Variants in OXNAD1 observed in about 807,000 individuals in gnomAD.
OXNAD1 encodes the protein oxidoreductase NAD binding domain containing 1.
Under a neutral mutation model 32.9 loss-of-function variants are expected in OXNAD1, and 34 were observed. That is an observed-to-expected ratio of 1.03 (90% CI 0.79 to 1.38). The LOEUF is 1.38. Among genes scored for constraint, OXNAD1 ranks in the 40% most tolerant of loss-of-function variants. The pLI, the probability that OXNAD1 is intolerant of heterozygous loss-of-function variation, is 0.00. For synonymous variants in OXNAD1, 134 were observed against 135.2 expected, an observed-to-expected ratio of 0.99 and a Z score of 0.06; for missense variants, 407 against 379.4, an observed-to-expected ratio of 1.07 and a Z score of -0.60.
chr3:16,270,978 C>T lies in OXNAD1; in HGVS notation c.26C>T (p.Pro9Leu). 2 of 1,614,156 alleles carry T rather than the reference C, an allele frequency of 1.2e-6. No individual in the cohort carries two copies. The highest frequency in any genetic ancestry group is 1.7e-6 in the Non-Finnish European group (2 of 1,180,028). The change falls in exon 3 of 9, where the codon CCT becomes CTT. Residue 9 changes from proline (P) to leucine (L), a missense_variant. Transcript: ENST00000285083. ...ATGGCCTGTGCTGCTGTTATGATTC[C>T]TGGGTTGTTGCGGTGCTCTGTTGGA... Reference protein sequence around the residue: MACAAVMIPGLLRCSVGAI... With the variant: MACAAVMILGLLRCSVGAI...
chr3:16,269,182 A>G lies in OXNAD1; in HGVS notation c.-102A>G. 1.3e-6 allele frequency: 2 copies of G among 1,524,382 alleles called. No individual in the cohort carries two copies. Among genetic ancestry groups the G allele is most frequent in the Non-Finnish European group, 1.7e-6 (2 of 1,143,354 alleles). 94.4% of individuals were successfully genotyped at this position (1,524,382 alleles called of 1,614,324 possible). On this transcript the variant is annotated 5_prime_UTR_variant, in exon 2 of 9. Coordinates refer to ENST00000285083, the MANE Select transcript of OXNAD1 (RefSeq NM_138381.5). ...GCTGTCCATGTTCCAACTGCTGTAC[A>G]TCCAAAAGTCTCAGTGTAATAGCAG...
chr3:16,308,350 C>T (rs1223837303), downstream of OXNAD1, among the ~76,000 whole-genome samples: 3 of 152,068 alleles, frequency 2.0e-5, no homozygotes, highest in East Asian at 1.9e-4. This position sits in a 1 kb window ranked among gnomAD's most constrained non-coding sequence, Gnocchi z 4.4. Flanking sequence ...AGGCTGCACC[C>T]ATGCTCTGGA....
In OXNAD1 at chr3:16,314,913, TATTAA is replaced by T. The variant is rs1203785019; in HGVS notation, c.*30+11324_*30+11328del. On this transcript the variant is annotated intron_variant, in intron 9 of 9. Transcript: ENST00000435829. This position sits in a 1 kb window ranked among gnomAD's most constrained non-coding sequence, Gnocchi z 4.4. ...GATATGTGCCAAGAGATAATGTTTT[TATTAA>T]ATCAAAATGCTGTATAGACATTGAC... 1.3e-5 allele frequency: 2 copies of T among 152,214 alleles called. No homozygotes were observed. The highest frequency in any genetic ancestry group is 2.9e-5 in the Non-Finnish European group (2 of 68,040). 9.4% of individuals were successfully genotyped at this position (152,214 alleles called of 1,614,324 possible).
Position 16,302,790 on chromosome 3 carries a change from T to G in OXNAD1, c.784+42T>G. 13 of 1,426,614 alleles carry G rather than the reference T, an allele frequency of 9.1e-6. No homozygotes were observed. The highest frequency in any genetic ancestry group is 1.3e-5 in the Non-Finnish European group (13 of 1,017,348). 88.4% of individuals were successfully genotyped at this position (1,426,614 alleles called of 1,614,324 possible). On this transcript the variant is annotated intron_variant, in intron 8 of 8. Transcript: ENST00000285083. This position sits in a 1 kb window ranked among gnomAD's most constrained non-coding sequence, Gnocchi z 4.2. ...TATTTTGACTATCTCCATGCAGTTA[T>G]TTGATGGACACACCAGTTGGTTGAG...
rs1411635461 is a variant in OXNAD1, at chr3:16,329,366, C to T, written c.*31-7746C>T. Among the ~76,000 whole-genome samples, 4 of 151,722 alleles carry T rather than the reference C, an allele frequency of 2.6e-5. No homozygotes were observed. The South Asian group carries it at 8.4e-4, about 32-fold the overall frequency. ...GAGAAAGGGAAAGGGAAAGAGGAAA[C>T]TTAATAAAGGAAGGCGGAAGGGAGG... On this transcript the variant is annotated intron_variant, in intron 9 of 9. Transcript: ENST00000435829. This position sits in a 1 kb window ranked among gnomAD's most constrained non-coding sequence, Gnocchi z 4.5.
Position 16,265,885 on chromosome 3 carries a change from A to G in OXNAD1, c.-159+380A>G. Reference sequence around the variant, plus strand: ...GTGAGTACCAGTTTTTTCGTTGTGAAAGAAATGGTGTCAGTAGGCAGGTTT... The same window carrying G: ...GTGAGTACCAGTTTTTTCGTTGTGAGAGAAATGGTGTCAGTAGGCAGGTTT... On this transcript the variant is annotated intron_variant, in intron 1 of 8. Transcript: ENST00000285083. The surrounding 1 kb of genome is among the most constrained non-coding windows in gnomAD (Gnocchi z 4.8). The G allele has an allele frequency of 1.0e-6, 1 of 985,402 alleles. No individual in the cohort carries two copies. Among genetic ancestry groups the G allele is most frequent in the African/African-American group, 1.7e-5 (1 of 57,370 alleles). The allele number at this position is 985,402 out of a possible 1,614,324, so 61.0% of individuals were successfully genotyped here.
rs372585207 is a variant in OXNAD1 at position 16,330,754 on chromosome 3, A to G, written c.*31-6358A>G. ...TAATTTCTCCAGTGATTGCAAATCA[A>G]CTAAAGAAATAGACATCCTACACAA... On this transcript the variant is annotated intron_variant, in intron 9 of 9. Transcript: ENST00000435829. Among the ~76,000 whole-genome samples the G allele has an allele frequency of 7.9e-5, 12 of 152,368 alleles. 2 individuals carry two copies. The highest frequency in any genetic ancestry group is 1.9e-4 in the East Asian group (1 of 5,194).
chr3:16,279,877 G>A (rs1559735565), intron 4 of OXNAD1, among the ~76,000 whole-genome samples: 1 of 152,170 alleles, frequency 6.6e-6, no homozygotes, highest in African/African-American at 2.4e-5. Flanking sequence ...AGGACCATAT[G>A]TAACTCTTGA....
downstream of OXNAD1, among the ~76,000 whole-genome samples, chr3:16,307,304 C>CTCAA (rs1214173037): frequency 6.6e-6 from 1 of 152,070 alleles, no homozygotes; most frequent in Non-Finnish European, 1.5e-5. Flanking sequence ...GTGGTTCACA[C>CTCAA]TCAATCATGA....
At chr3:16,274,687 A>G (rs1324606547) in intron 4 of OXNAD1, among the ~76,000 whole-genome samples, 1 of 152,240 alleles carries the variant, frequency 6.6e-6, no homozygotes, top group Non-Finnish European at 1.5e-5. Flanking sequence ...TTCAGTCTTG[A>G]TAAGTAACTT....
rs1459004706 is a variant in OXNAD1 at position 16,287,681 on chromosome 3, C to T, written c.290+1233C>T. On this transcript the variant is annotated intron_variant, in intron 5 of 8. Coordinates refer to ENST00000285083, the MANE Select transcript of OXNAD1 (RefSeq NM_138381.5). This position sits in a 1 kb window ranked among gnomAD's most constrained non-coding sequence, Gnocchi z 4.8. ...CCTGCCAAGACTCAGACCCAGCCTC[C>T]TGGTTAGGAAAAGCCTGTGCATTGG... 6.6e-6 allele frequency among the ~76,000 whole-genome samples: 1 copy of T among 152,236 alleles called. No individual in the cohort carries two copies. Among genetic ancestry groups the T allele is most frequent in the Non-Finnish European group, 1.5e-5 (1 of 68,048 alleles).
chr3:16,270,404 A>C (rs1187446175), intron 2 of OXNAD1, among the ~76,000 whole-genome samples: 1 of 152,218 alleles, frequency 6.6e-6, no homozygotes, highest in African/African-American at 2.4e-5. Flanking sequence ...AATGTATCAC[A>C]GTTACCTTAT....
In OXNAD1 at chr3:16,271,405, T is replaced by C. The variant is rs1386561182; in HGVS notation, c.120-254T>C. ...TTTTGGTAGAGAAAGGCTTTCTCCA[T>C]GTTGGCCAGGCTGGTCTCGTACTCC... On this transcript the variant is annotated intron_variant, in intron 3 of 8. Coordinates refer to ENST00000285083, the MANE Select transcript of OXNAD1 (RefSeq NM_138381.5). The surrounding 1 kb of genome is among the most constrained non-coding windows in gnomAD (Gnocchi z 4.6). Among the ~76,000 whole-genome samples, 1 of 152,280 alleles carries C rather than the reference T, an allele frequency of 6.6e-6. No individual in the cohort carries two copies. Among genetic ancestry groups the C allele is most frequent in the East Asian group, 1.9e-4 (1 of 5,180 alleles).
At chr3:16,325,184 C>T (rs1388520718) in intron 9 of OXNAD1, among the ~76,000 whole-genome samples, 1 of 152,152 alleles carries the variant, frequency 6.6e-6, no homozygotes, top group Non-Finnish European at 1.5e-5. Flanking sequence ...CATAATGGCT[C>T]ATTTAAGCTT....
At position 16,280,281 on chromosome 3, in the gene OXNAD1, G is replaced by A. The variant is rs1325413759; in HGVS notation, c.184-6061G>A. On this transcript the variant is annotated intron_variant, in intron 4 of 8. Transcript: ENST00000285083. This position sits in a 1 kb window ranked among gnomAD's most constrained non-coding sequence, Gnocchi z 4.5. ...TGCTGGAGGGAAGGCTTGAGAAGACGGAGAGGAGACCAGCCCAGGTGGACA... is the reference window on the plus strand; with the variant it reads ...TGCTGGAGGGAAGGCTTGAGAAGACAGAGAGGAGACCAGCCCAGGTGGACA... Among the ~76,000 whole-genome samples the A allele has an allele frequency of 3.3e-5, 5 of 152,130 alleles. No individual in the cohort carries two copies. The highest frequency in any genetic ancestry group is 7.3e-5 in the Non-Finnish European group (5 of 68,030).
downstream of OXNAD1, among the ~76,000 whole-genome samples, chr3:16,340,971 ACAACC>A (rs2071279562): frequency 6.6e-6 from 1 of 152,252 alleles, no homozygotes; most frequent in Non-Finnish European, 1.5e-5. Context: ...AAGACAACAA[ACAACC>A]CAATTTAAAA....
At position 16,329,562 on chromosome 3, in the gene OXNAD1, A is replaced by G. The variant is rs115999149; in HGVS notation, c.*31-7550A>G. On this transcript the variant is annotated intron_variant, in intron 9 of 9. Transcript: ENST00000435829. The surrounding 1 kb of genome is among the most constrained non-coding windows in gnomAD (Gnocchi z 4.5). ...CTGGGCACACGCACACCTCCCTTCC[A>G]GACCAGCACAGCCCGTATTCCTCCT... is the stretch of plus-strand genomic sequence containing the variant. Among the ~76,000 whole-genome samples, 1,070 of 152,250 alleles carry G rather than the reference A, an allele frequency of 7.0e-3. 6 individuals carry two copies. The highest frequency in any genetic ancestry group is 0.012 in the Admixed American group (180 of 15,292).
chr3:16,334,385 C>T lies in OXNAD1; in HGVS notation c.*31-2727C>T, dbSNP rs1008302513. Among the ~76,000 whole-genome samples the T allele has an allele frequency of 1.3e-5, 2 of 152,162 alleles. No individual in the cohort carries two copies. The highest frequency in any genetic ancestry group is 2.9e-5 in the Non-Finnish European group (2 of 68,024). ...TTTCAAAATTACAAACACATTTTCC[C>T]TTTGACCCAACAATCTCACTTCTGG... On this transcript the variant is annotated intron_variant, in intron 9 of 9. Transcript: ENST00000435829. The surrounding 1 kb of genome is among the most constrained non-coding windows in gnomAD (Gnocchi z 4.3).
Position 16,303,598 on chromosome 3 carries a change from A to G in OXNAD1, c.*36A>G. The G allele has an allele frequency of 6.2e-7, 1 of 1,605,444 alleles. No individual in the cohort carries two copies. The stretch of plus-strand genomic sequence containing the variant: ...AAGGCAGAAAAAATAAAGAGGTGAG[A>G]TCTACTCAGGAGAGCTCCTGTCCTT... On this transcript the variant is annotated 3_prime_UTR_variant, in exon 9 of 9. Transcript: ENST00000285083. The surrounding 1 kb of genome is among the most constrained non-coding windows in gnomAD (Gnocchi z 4.8).
Sources: gnomAD v4.1 joint callset for allele counts (sites outside exome capture counted in the v4.1 genomes callset) on GRCh38, gnomAD v4.1.1 for gene constraint, Gnocchi (gnomAD v3.1) non-coding constraint, MANE v1.5 for transcripts, NCBI Gene and HGNC (gene_info 2026-07-23, HGNC 2026-07-21) for gene names.